Variants in PAK5 observed in about 807,000 individuals in gnomAD.
PAK5 encodes the protein p21 (RAC1) activated kinase 5, also known as serine/threonine-protein kinase PAK 5.
A neutral mutation model predicts 65.9 loss-of-function variants in PAK5; 16 were observed. That is an observed-to-expected ratio of 0.24 (90% CI 0.16 to 0.37). The LOEUF (loss-of-function observed/expected upper bound fraction) is 0.37. Ranked by LOEUF, PAK5 falls within the 10% of genes least tolerant of loss-of-function variation. The pLI, the probability that PAK5 is intolerant of heterozygous loss-of-function variation, is 1.00. For missense variants in PAK5, 785 were observed against 903.9 expected (o/e 0.87, Z 1.69); for synonymous variants, 371 against 354.9 (o/e 1.05, Z -0.51).
In PAK5 at chr20:9,542,829, C is replaced by T. The variant is rs1296142005; in HGVS notation, c.1870-109G>A. 3 of 934,474 alleles carry T rather than the reference C, an allele frequency of 3.2e-6. No homozygotes were observed. In the South Asian group the frequency reaches 4.9e-5, roughly 15 times the overall value. 57.9% of individuals were successfully genotyped at this position (934,474 alleles called of 1,614,324 possible). On this transcript the variant is annotated intron_variant, in intron 8 of 9. Coordinates refer to ENST00000353224, the MANE Select transcript of PAK5 (RefSeq NM_177990.4). ...CACAAGTGACTATGGCACTTGTAAC[C>T]TCTCAACATTTACAATATAGATTTA...
chr20:9,722,776 G>A (rs2048232963), intron 1 of PAK5, among the ~76,000 whole-genome samples: 1 of 150,066 alleles, frequency 6.7e-6, no homozygotes, highest in South Asian at 2.1e-4. Context: ...TTGCTCTATC[G>A]CCCAGGCTGG....
At chr20:9,750,052 A>C (rs1397104960) in intron 1 of PAK5, among the ~76,000 whole-genome samples, 1 of 152,148 alleles carries the variant, frequency 6.6e-6, no homozygotes, top group African/African-American at 2.4e-5. Context: ...GTAAATATCC[A>C]ATAAAATATT....
At chr20:9,642,580 C>G (rs1470567878) in intron 3 of PAK5, among the ~76,000 whole-genome samples, 2 of 152,118 alleles carry the variant, frequency 1.3e-5, no homozygotes, top group Non-Finnish European at 2.9e-5. Flanking sequence ...ACTAAACAAG[C>G]AGATTTTTTT....
intron 1 of PAK5, among the ~76,000 whole-genome samples, chr20:9,803,407 T>C (rs542722232): frequency 6.6e-6 from 1 of 152,216 alleles, no homozygotes; most frequent in African/African-American, 2.4e-5. Flanking sequence ...TCTACCAAAG[T>C]ACTTGAGAAA....
chr20:9,651,250 A>C (rs1656010472), intron 2 of PAK5, among the ~76,000 whole-genome samples: 1 of 152,172 alleles, frequency 6.6e-6, no homozygotes, highest in African/African-American at 2.4e-5. Context: ...TGTTGTGAAC[A>C]TTCAGTGAAC....
At chr20:9,749,122 C>T (rs939127578) in intron 1 of PAK5, among the ~76,000 whole-genome samples, 21 of 152,020 alleles carry the variant, frequency 1.4e-4, no homozygotes, top group Non-Finnish European at 2.8e-4. Context: ...AGAAATAACC[C>T]CATAGCTGTG....
chr20:9,676,754 A>G (rs67050690), intron 2 of PAK5, among the ~76,000 whole-genome samples: 28,494 of 152,090 alleles, frequency 0.19, 2,876 homozygotes, highest in East Asian at 0.36. Flanking sequence ...TTGATATGAA[A>G]TCATCTTGAT....
chr20:9,795,782 A>C (rs962065268), intron 1 of PAK5, among the ~76,000 whole-genome samples: 4 of 152,106 alleles, frequency 2.6e-5, no homozygotes, highest in African/African-American at 9.6e-5. Context: ...ACCTGGAAAA[A>C]GTCCCAGTAG....
At chr20:9,652,473 A>T (rs2047214757) in intron 2 of PAK5, among the ~76,000 whole-genome samples, 1 of 152,226 alleles carries the variant, frequency 6.6e-6, no homozygotes, top group Non-Finnish European at 1.5e-5. Flanking sequence ...GTTATAAATG[A>T]CATAGTTTCC....
intron 2 of PAK5, among the ~76,000 whole-genome samples, chr20:9,688,586 A>C (rs1162181163): frequency 6.6e-6 from 1 of 151,514 alleles, no homozygotes; most frequent in Non-Finnish European, 1.5e-5. Context: ...CCTTCCTCTT[A>C]TCCTCCAAGC....
chr20:9,744,912 A>G (rs1055756895), intron 1 of PAK5, among the ~76,000 whole-genome samples: 4 of 152,142 alleles, frequency 2.6e-5, no homozygotes, highest in African/African-American at 9.7e-5. Flanking sequence ...AACTATACTG[A>G]GAAGCATCTT....
intron 5 of PAK5, 37 bp downstream of exon 5, chr20:9,565,856 C>T (rs373818496): frequency 6.4e-7 from 1 of 1,565,586 alleles, no homozygotes; most frequent in Non-Finnish European, 8.7e-7. Flanking sequence ...ATAAATGTTA[C>T]AAAGGAGAGA....
At chr20:9,785,664 A>AG (rs2048984797) in intron 1 of PAK5, among the ~76,000 whole-genome samples, 1 of 152,186 alleles carries the variant, frequency 6.6e-6, no homozygotes, top group Non-Finnish European at 1.5e-5. Context: ...GGGGAAAAAA[A>AG]TGTCTAAGGC....
chr20:9,703,325 C>T (rs957040745), intron 2 of PAK5, among the ~76,000 whole-genome samples: 11 of 152,166 alleles, frequency 7.2e-5, no homozygotes, highest in African/African-American at 2.7e-4. Flanking sequence ...ATAACAACTA[C>T]TTAAGCATAT....
At chr20:9,833,263 A>C (rs1282290582) in intron 1 of PAK5, among the ~76,000 whole-genome samples, 1 of 152,166 alleles carries the variant, frequency 6.6e-6, no homozygotes, top group Admixed American at 6.5e-5. Flanking sequence ...TTCTGGTTCT[A>C]AGAATGACCT....
intron 1 of PAK5, among the ~76,000 whole-genome samples, chr20:9,755,541 C>T (rs549110605): frequency 6.6e-6 from 1 of 152,166 alleles, no homozygotes; most frequent in African/African-American, 2.4e-5. Flanking sequence ...GAAGATGACA[C>T]AAACCATGAT....
chr20:9,607,827 T>TA (rs764119490), intron 3 of PAK5, among the ~76,000 whole-genome samples: 103 of 150,134 alleles, frequency 6.9e-4, no homozygotes, highest in Middle Eastern at 3.4e-3. Context: ...AGACTCTGTC[T>TA]AAAAAAAAAG....
intron 3 of PAK5, among the ~76,000 whole-genome samples, chr20:9,618,426 A>C (rs1181794011): frequency 9.3e-6 from 1 of 107,702 alleles, no homozygotes; most frequent in African/African-American, 4.0e-5. Flanking sequence ...TTTTTTTTTG[A>C]GACAGAGTCT....
chr20:9,708,189 T>G (rs2048032348), intron 2 of PAK5, among the ~76,000 whole-genome samples: 1 of 152,164 alleles, frequency 6.6e-6, no homozygotes, highest in African/African-American at 2.4e-5. Context: ...TGTCAATGAT[T>G]AATTAGTTAA....
Sources: gnomAD v4.1 joint callset for allele counts (sites outside exome capture counted in the v4.1 genomes callset) on GRCh38, gnomAD v4.1.1 for gene constraint, MANE v1.5 for transcripts, NCBI Gene and HGNC (gene_info 2026-07-23, HGNC 2026-07-21) for gene names.